NAALADL2: variants seen among roughly 807,000 people sequenced by gnomAD.
The protein encoded by NAALADL2 is N-acetylated alpha-linked acidic dipeptidase like 2.
NAALADL2 carries 76 observed loss-of-function variants against 87.2 expected under a neutral mutation model. The observed-to-expected ratio is 0.87, with a 90% CI of 0.72 to 1.05. The LOEUF (loss-of-function observed/expected upper bound fraction) is 1.05, where lower values mean the gene tolerates loss of function less well. Ranked by LOEUF, NAALADL2 falls within the 50% of genes least tolerant of loss-of-function variation. NAALADL2 has a pLI of 0.00. For missense variants in NAALADL2, 1,089 were observed against 945.8 expected, an observed-to-expected ratio of 1.15 and a Z score of -1.99; for synonymous variants, 354 against 331.0, an observed-to-expected ratio of 1.07 and a Z score of -0.75.
intron 11 of NAALADL2, among the ~76,000 whole-genome samples, chr3:175,683,824 A>G (rs1735926050): frequency 6.6e-6 from 1 of 152,046 alleles, no homozygotes; most frequent in African/African-American, 2.4e-5. Flanking sequence ...AATTTAATGG[A>G]ATATAATGTA....
intron 2 of NAALADL2, among the ~76,000 whole-genome samples, chr3:174,666,598 T>C (rs1378611258): frequency 1.3e-5 from 2 of 152,164 alleles, no homozygotes; most frequent in Non-Finnish European, 2.9e-5. Context: ...CAACCAGCCA[T>C]TGAAAGAACA....
intron 2 of NAALADL2, among the ~76,000 whole-genome samples, chr3:174,575,386 GT>G (rs1715409362): frequency 1.3e-5 from 2 of 152,214 alleles, no homozygotes; most frequent in Admixed American, 6.5e-5. Context: ...TTGGTACTTT[GT>G]GAGCAATTCT....
chr3:175,164,970 G>T lies in NAALADL2; in HGVS notation c.545+67679G>T, dbSNP rs1012535416. On this transcript the variant is annotated intron_variant, in intron 2 of 13. Transcript: ENST00000454872. ...TCTTTGAATGGAACTATTTTCTGCCGCACCCCTTGCCATGTATGCCTTCAG... is the reference window on the plus strand; with the variant it reads ...TCTTTGAATGGAACTATTTTCTGCCTCACCCCTTGCCATGTATGCCTTCAG... Among the ~76,000 whole-genome samples, 5 of 152,208 alleles carry T rather than the reference G, an allele frequency of 3.3e-5. No individual in the cohort carries two copies. In the East Asian group the frequency reaches 7.7e-4, roughly 24 times the overall value.
chr3:175,792,950 G>T (rs9942019), intron 13 of NAALADL2, among the ~76,000 whole-genome samples: 4,246 of 152,276 alleles, frequency 0.028, 215 homozygotes, highest in African/African-American at 0.097. Flanking sequence ...AGCTTTTGCT[G>T]GTTCTTTCAG....
intron 5 of NAALADL2, among the ~76,000 whole-genome samples, chr3:175,441,221 C>T (rs1719696495): frequency 6.6e-6 from 1 of 151,838 alleles, no homozygotes; most frequent in African/African-American, 2.4e-5. Context: ...TTCCAAAAAG[C>T]AAAACTTGAA....
At chr3:174,902,173 C>A (rs2108261886) in intron 1 of NAALADL2, among the ~76,000 whole-genome samples, 1 of 152,108 alleles carries the variant, frequency 6.6e-6, no homozygotes, top group African/African-American at 2.4e-5. Flanking sequence ...ATAGCTAAAC[C>A]CTTTTGTCCC....
intron 1 of NAALADL2, among the ~76,000 whole-genome samples, chr3:175,053,351 C>G (rs1019542450): frequency 6.6e-6 from 1 of 152,124 alleles, no homozygotes; most frequent in Admixed American, 6.6e-5. Flanking sequence ...ATTGTTGTCC[C>G]GCTTTCCTCA....
intron 11 of NAALADL2, among the ~76,000 whole-genome samples, chr3:175,638,894 A>G (rs1206671347): frequency 2.0e-5 from 3 of 152,204 alleles, no homozygotes; most frequent in Non-Finnish European, 4.4e-5. Context: ...ACACTTAGGC[A>G]GCTTTGTAAT....
chr3:175,140,725 A>T (rs9878823), intron 2 of NAALADL2, among the ~76,000 whole-genome samples: 1 of 152,092 alleles, frequency 6.6e-6, no homozygotes, highest in African/African-American at 2.4e-5. Flanking sequence ...TCCTCGCTAC[A>T]AAAGGGAATG....
intron 9 of NAALADL2, among the ~76,000 whole-genome samples, chr3:175,494,076 T>C (rs1487958428): frequency 2.0e-5 from 3 of 152,020 alleles, no homozygotes; most frequent in Non-Finnish European, 4.4e-5. Context: ...GCAAAAAATA[T>C]AATTGTTTAT....
chr3:175,685,094 G>A (rs1361208476), intron 11 of NAALADL2, among the ~76,000 whole-genome samples: 1 of 152,148 alleles, frequency 6.6e-6, no homozygotes, highest in Non-Finnish European at 1.5e-5. Flanking sequence ...CATATCAAGA[G>A]TTCAAGGAGA....
chr3:174,995,135 C>G (rs1438948277), intron 1 of NAALADL2, among the ~76,000 whole-genome samples: 1 of 143,014 alleles, frequency 7.0e-6, no homozygotes, highest in Non-Finnish European at 1.5e-5. Context: ...AAAATAATAG[C>G]AAAAAAAAAA....
intron 9 of NAALADL2, among the ~76,000 whole-genome samples, chr3:175,491,135 C>A (rs1728011439): frequency 1.4e-5 from 2 of 141,916 alleles, no homozygotes; most frequent in South Asian, 2.3e-4. Flanking sequence ...TGCAACATTT[C>A]TTTCTTTTTT....
At chr3:175,706,214 T>G (rs1056314898) in intron 11 of NAALADL2, among the ~76,000 whole-genome samples, 6 of 152,226 alleles carry the variant, frequency 3.9e-5, no homozygotes, top group Middle Eastern at 6.8e-3. Context: ...CTTATAAGTA[T>G]GCCCAAAATC....
chr3:175,620,733 G>A (rs934398731), intron 10 of NAALADL2, among the ~76,000 whole-genome samples: 1 of 152,118 alleles, frequency 6.6e-6, no homozygotes, highest in East Asian at 1.9e-4. Flanking sequence ...ACATGTTGCC[G>A]CTCTCTTCGT....
intron 1 of NAALADL2, among the ~76,000 whole-genome samples, chr3:174,897,048 T>C (rs570908923): frequency 5.2e-4 from 79 of 152,286 alleles, no homozygotes; most frequent in Admixed American, 1.5e-3. Context: ...TCTAAGACTT[T>C]AAACTATGAA....
At chr3:175,460,346 G>GCAC (rs1560586266) in intron 6 of NAALADL2, among the ~76,000 whole-genome samples, 2 of 152,170 alleles carry the variant, frequency 1.3e-5, no homozygotes, top group African/African-American at 4.8e-5. Flanking sequence ...GCACATGCAT[G>GCAC]AGGATGTAAA....
intron 11 of NAALADL2, among the ~76,000 whole-genome samples, chr3:175,672,278 AAATCAT>A (rs1734107350): frequency 6.6e-6 from 1 of 152,168 alleles, no homozygotes; most frequent in Non-Finnish European, 1.5e-5. Context: ...GTTTATGACT[AAATCAT>A]AAGTGCCAGA....
intron 2 of NAALADL2, among the ~76,000 whole-genome samples, chr3:174,616,868 T>C (rs552540884): frequency 6.6e-6 from 1 of 152,016 alleles, no homozygotes; most frequent in South Asian, 2.1e-4. Context: ...ATTACTTGTA[T>C]AGAAAGTTAA....
Sources: gnomAD v4.1 joint callset for allele counts (sites outside exome capture counted in the v4.1 genomes callset) on GRCh38, gnomAD v4.1.1 for gene constraint, MANE v1.5 for transcripts, NCBI Gene and HGNC (gene_info 2026-07-23, HGNC 2026-07-21) for gene names.